Variants in SIPA1L2 observed in about 807,000 individuals in gnomAD.
SIPA1L2 encodes signal induced proliferation associated 1 like 2, also known as signal-induced proliferation-associated 1-like protein 2.
In SIPA1L2, 56 loss-of-function variants were observed where a neutral mutation model predicts 163.9. The ratio of observed to expected loss-of-function variants is 0.34; its 90% CI spans 0.28 to 0.43. The LOEUF (loss-of-function observed/expected upper bound fraction) is 0.43, where lower values mean the gene tolerates loss of function less well. SIPA1L2 is among the 20% of genes least tolerant of loss of function. The pLI, the probability that SIPA1L2 is intolerant of heterozygous loss-of-function variation, is 1.00. For missense variants in SIPA1L2, 1,974 were observed against 2,193.5 expected (o/e 0.90, Z 2.00); for synonymous variants, 877 against 865.7 (o/e 1.01, Z -0.23).
chr1:232,600,558 T>G (rs1457363057), intron 1 of SIPA1L2, among the ~76,000 whole-genome samples: 1 of 152,226 alleles, frequency 6.6e-6, no homozygotes, highest in South Asian at 2.1e-4. Flanking sequence ...CAGGCTTTTT[T>G]GTTTGATTTT....
intron 1 of SIPA1L2, among the ~76,000 whole-genome samples, chr1:232,627,372 G>C (rs1056626005): frequency 6.6e-6 from 1 of 152,168 alleles, no homozygotes; most frequent in Non-Finnish European, 1.5e-5. Flanking sequence ...AGGGTAGCTA[G>C]TATTTCCTTA....
chr1:232,577,100 C>A (rs1324738535), intron 1 of SIPA1L2, among the ~76,000 whole-genome samples: 1 of 152,026 alleles, frequency 6.6e-6, no homozygotes, highest in African/African-American at 2.4e-5. Flanking sequence ...CAGGCTAATT[C>A]TCTTGTTAGC....
chr1:232,477,202 T>C (rs1572956778), intron 7 of SIPA1L2, among the ~76,000 whole-genome samples: 1 of 152,212 alleles, frequency 6.6e-6, no homozygotes, highest in East Asian at 1.9e-4. Context: ...ATTTAGTCTC[T>C]CACTTTCTTA....
In SIPA1L2 at chr1:232,404,111, C is replaced by A. The variant is rs769221960; in HGVS notation, c.4816+14G>T. 3.0e-5 allele frequency: 49 copies of A among 1,613,916 alleles called. No individual in the cohort carries two copies. The Admixed American group carries it at 6.7e-4, about 22-fold the overall frequency. ...CAGGATATCAGGAGCCAACGAGCAG[C>A]CCCAGACAATCACCTAGATAGGACG... On this transcript the variant is annotated intron_variant, in intron 20 of 22. Coordinates refer to ENST00000674635, the MANE Select transcript of SIPA1L2 (RefSeq NM_020808.5).
chr1:232,531,801 G>A (rs1309639403), intron 2 of SIPA1L2, among the ~76,000 whole-genome samples: 2 of 152,232 alleles, frequency 1.3e-5, no homozygotes, highest in African/African-American at 4.8e-5. Context: ...GTTAACGGAA[G>A]GGTACGGTGG....
intron 1 of SIPA1L2, among the ~76,000 whole-genome samples, chr1:232,591,375 T>G (rs1660949216): frequency 1.3e-5 from 2 of 152,348 alleles, no homozygotes; most frequent in South Asian, 2.1e-4. Flanking sequence ...CTGTAAGGTT[T>G]GCTACTCATG....
At chr1:232,537,402 A>G (rs1343171951) in intron 2 of SIPA1L2, among the ~76,000 whole-genome samples, 2 of 152,196 alleles carry the variant, frequency 1.3e-5, no homozygotes, top group Non-Finnish European at 2.9e-5. Context: ...TATAACAGCA[A>G]AACATCAGAG....
intron 1 of SIPA1L2, among the ~76,000 whole-genome samples, chr1:232,586,898 G>C (rs552115400): frequency 1.1e-4 from 17 of 152,330 alleles, no homozygotes; most frequent in African/African-American, 3.8e-4. Context: ...GGCTTTTTAA[G>C]TGAATAATGA....
intron 1 of SIPA1L2, among the ~76,000 whole-genome samples, chr1:232,625,036 G>A (rs77270014): frequency 1.3e-5 from 2 of 152,192 alleles, no homozygotes; most frequent in African/African-American, 4.8e-5. Context: ...ATCATATGCA[G>A]AAGAGAGTGC....
intron 1 of SIPA1L2, among the ~76,000 whole-genome samples, chr1:232,596,780 T>C (rs1661274692): frequency 6.6e-6 from 1 of 152,214 alleles, no homozygotes; most frequent in South Asian, 2.1e-4. Flanking sequence ...GAAGTGCTTC[T>C]TCCCCGCTTC....
chr1:232,530,097 G>A (rs1667900723), intron 2 of SIPA1L2, among the ~76,000 whole-genome samples: 2 of 152,136 alleles, frequency 1.3e-5, no homozygotes, highest in South Asian at 4.2e-4. Context: ...ATCATCTCTA[G>A]GGGCAGGAAG....
chr1:232,535,659 A>G (rs12096229), intron 2 of SIPA1L2, among the ~76,000 whole-genome samples: 39,354 of 152,122 alleles, frequency 0.26, 7,464 homozygotes, highest in African/African-American at 0.53. Context: ...ATATGAATAT[A>G]TACCATGAGC....
At chr1:232,461,444 G>A (rs1294707014) in intron 9 of SIPA1L2, among the ~76,000 whole-genome samples, 2 of 152,256 alleles carry the variant, frequency 1.3e-5, no homozygotes, top group Admixed American at 1.3e-4. Context: ...TCTTGATACA[G>A]GTGTCCTGCT....
At chr1:232,570,307 C>T (rs556619214) in intron 2 of SIPA1L2, among the ~76,000 whole-genome samples, 2 of 152,270 alleles carry the variant, frequency 1.3e-5, no homozygotes, top group South Asian at 2.1e-4. Context: ...ATCCTAACTT[C>T]GCCAATGGGA....
At chr1:232,529,851 C>T (rs941928639) in intron 2 of SIPA1L2, among the ~76,000 whole-genome samples, 4 of 152,134 alleles carry the variant, frequency 2.6e-5, no homozygotes, top group African/African-American at 7.2e-5. Flanking sequence ...AAGAGAAAGC[C>T]GTAAGAGATC....
chr1:232,419,926 G>A (rs1661469368), intron 18 of SIPA1L2, among the ~76,000 whole-genome samples: 1 of 152,150 alleles, frequency 6.6e-6, no homozygotes, highest in Admixed American at 6.5e-5. Context: ...AGAACCTAGG[G>A]AGAGAATAAC....
chr1:232,416,594 A>G (rs1291800607), intron 18 of SIPA1L2, among the ~76,000 whole-genome samples: 5 of 152,208 alleles, frequency 3.3e-5, no homozygotes, highest in Admixed American at 6.5e-5. Context: ...CATAAAGCTT[A>G]CTGAGGAACA....
intron 10 of SIPA1L2, among the ~76,000 whole-genome samples, chr1:232,454,330 C>T (rs544433287): frequency 6.6e-6 from 1 of 152,280 alleles, no homozygotes; most frequent in South Asian, 2.1e-4. Context: ...GGCTATCTGG[C>T]ACTTACTAAT....
intron 1 of SIPA1L2, among the ~76,000 whole-genome samples, chr1:232,620,471 T>C (rs1662744223): frequency 6.6e-6 from 1 of 152,230 alleles, no homozygotes. Flanking sequence ...GAAACTCTCC[T>C]AGGGCCTTGT....
Sources: allele counts gnomAD v4.1 joint callset (sites outside exome capture counted in the v4.1 genomes callset), GRCh38; gene constraint gnomAD v4.1.1; transcripts MANE v1.5; gene names NCBI Gene and HGNC (gene_info 2026-07-23, HGNC 2026-07-21).